ZNF521: variants seen among roughly 807,000 people sequenced by gnomAD.
ZNF521 encodes LYST-interacting protein 3.
In ZNF521, 14 loss-of-function variants were observed where a neutral mutation model predicts 105.5. The observed-to-expected ratio is 0.13, with a 90% CI of 0.09 to 0.21. The LOEUF (loss-of-function observed/expected upper bound fraction) is 0.21, where lower values mean the gene tolerates loss of function less well. ZNF521 is among the 10% of genes least tolerant of loss of function. ZNF521 has a pLI of 1.00. For synonymous variants in ZNF521, 635 were observed against 606.0 expected, an observed-to-expected ratio of 1.05 and a Z score of -0.70; for missense variants, 1,233 against 1,629.7, an observed-to-expected ratio of 0.76 and a Z score of 4.19.
intron 5 of ZNF521, among the ~76,000 whole-genome samples, chr18:25,116,919 C>CGTATATA (rs1567968553): frequency 2.9e-5 from 4 of 136,806 alleles, no homozygotes; most frequent in Admixed American, 7.4e-5. Context: ...ATACGTATAT[C>CGTATATA]TATGTATATA....
At chr18:25,112,981 T>C (rs2144307828) in intron 5 of ZNF521, among the ~76,000 whole-genome samples, 1 of 151,642 alleles carries the variant, frequency 6.6e-6, no homozygotes, top group East Asian at 1.9e-4. Context: ...CAGATTTTTT[T>C]TGTACCCGCC....
intron 5 of ZNF521, among the ~76,000 whole-genome samples, chr18:25,169,322 C>T (rs2035406372): frequency 6.6e-6 from 1 of 152,116 alleles, no homozygotes; most frequent in African/African-American, 2.4e-5. Context: ...GTGCCCAGTA[C>T]TGGTATTTTC....
chr18:25,213,890 A>G (rs1011209815), intron 4 of ZNF521, among the ~76,000 whole-genome samples: 3 of 152,008 alleles, frequency 2.0e-5, no homozygotes, highest in Non-Finnish European at 4.4e-5. Context: ...TGTAACTTAA[A>G]TTCTCTACCA....
At chr18:25,077,807 A>C (rs1362907358) in intron 7 of ZNF521, among the ~76,000 whole-genome samples, 1 of 152,208 alleles carries the variant, frequency 6.6e-6, no homozygotes, top group Non-Finnish European at 1.5e-5. Context: ...TATTTAAGAA[A>C]AAAAAGAGGA....
intron 7 of ZNF521, among the ~76,000 whole-genome samples, chr18:25,081,997 T>G (rs2033506570): frequency 6.6e-6 from 1 of 152,214 alleles, no homozygotes; most frequent in Non-Finnish European, 1.5e-5. Context: ...TGATCAAAAC[T>G]AATGGTGAAA....
At chr18:25,181,864 G>A (rs541041981) in intron 5 of ZNF521, among the ~76,000 whole-genome samples, 1 of 152,268 alleles carries the variant, frequency 6.6e-6, no homozygotes, top group East Asian at 1.9e-4. Context: ...TGGAGCCCCA[G>A]TGGGGGCATT....
rs113668204 is a variant in ZNF521 at position 25,121,813 on chromosome 18, A to G, written c.3659-29732T>C. The stretch of plus-strand genomic sequence containing the variant: ...AAATAAGGCCTCAAAGGATCAAACT[A>G]TTACAAACTTAACTTAACTGCTTCC... On this transcript the variant is annotated intron_variant, in intron 5 of 7. Coordinates refer to ENST00000361524, the MANE Select transcript of ZNF521 (RefSeq NM_015461.3). Among the ~76,000 whole-genome samples, 7 of 152,278 alleles carry G rather than the reference A, an allele frequency of 4.6e-5. 1 individual carries two copies. Among genetic ancestry groups the G allele is most frequent in the African/African-American group, 1.7e-4 (7 of 41,558 alleles).
At chr18:25,121,771 C>T (rs2034448691) in intron 5 of ZNF521, among the ~76,000 whole-genome samples, 1 of 152,102 alleles carries the variant, frequency 6.6e-6, no homozygotes, top group Admixed American at 6.6e-5. Context: ...TGCTCTGCAA[C>T]TCCTCCCCCC....
At chr18:25,266,697 C>T (rs772266902) in intron 3 of ZNF521, among the ~76,000 whole-genome samples, 8 of 152,058 alleles carry the variant, frequency 5.3e-5, no homozygotes, top group Non-Finnish European at 2.9e-5. Context: ...GACTGTACCA[C>T]GAGGAATGGT....
chr18:25,340,297 G>C (rs1914126653), intron 2 of ZNF521, among the ~76,000 whole-genome samples: 1 of 152,162 alleles, frequency 6.6e-6, no homozygotes, highest in South Asian at 2.1e-4. Flanking sequence ...GGAGGTTGCA[G>C]GGAGCCAAGA....
chr18:25,262,381 T>C (rs1908970124), intron 3 of ZNF521, among the ~76,000 whole-genome samples: 3 of 152,228 alleles, frequency 2.0e-5, no homozygotes, highest in Admixed American at 2.0e-4. Context: ...AGTGCTTGAA[T>C]GATTTTTTTC....
At chr18:25,233,078 A>G (rs140803447) in intron 3 of ZNF521, among the ~76,000 whole-genome samples, 64 of 152,334 alleles carry the variant, frequency 4.2e-4, no homozygotes, top group African/African-American at 1.4e-3. Flanking sequence ...TTTGAAATGC[A>G]TGTTTAATAG....
chr18:25,192,702 AC>A (rs774254845), intron 5 of ZNF521, among the ~76,000 whole-genome samples: 10 of 131,536 alleles, frequency 7.6e-5, no homozygotes, highest in South Asian at 2.5e-4. Context: ...AAAAAAAAAA[AC>A]CACACACAGA....
intron 3 of ZNF521, among the ~76,000 whole-genome samples, chr18:25,305,580 G>C (rs1177565550): frequency 6.6e-6 from 1 of 152,070 alleles, no homozygotes; most frequent in Non-Finnish European, 1.5e-5. Context: ...TTTAAAGAAT[G>C]TTAGACATCA....
intron 3 of ZNF521, among the ~76,000 whole-genome samples, chr18:25,249,983 G>A (rs893869822): frequency 3.9e-5 from 6 of 151,926 alleles, no homozygotes; most frequent in African/African-American, 1.2e-4. Flanking sequence ...CTGTCGCCCT[G>A]GCTGGAGTGC....
chr18:25,300,472 T>A (rs1458190555), intron 3 of ZNF521, among the ~76,000 whole-genome samples: 5 of 152,190 alleles, frequency 3.3e-5, no homozygotes, highest in Admixed American at 3.3e-4. Flanking sequence ...TTTGATCTAA[T>A]AGTGTATAAA....
chr18:25,295,050 T>C (rs546606416), intron 3 of ZNF521, among the ~76,000 whole-genome samples: 63 of 152,184 alleles, frequency 4.1e-4, no homozygotes, highest in African/African-American at 1.4e-3. Flanking sequence ...TATACTAGTA[T>C]AGAAATAGAA....
chr18:25,066,410 A>G (rs886194008), intron 7 of ZNF521, among the ~76,000 whole-genome samples: 2 of 152,170 alleles, frequency 1.3e-5, no homozygotes, highest in African/African-American at 4.8e-5. Flanking sequence ...GGAAATACAA[A>G]TGGCCTCATT....
chr18:25,300,665 C>G (rs1343711408), intron 3 of ZNF521, among the ~76,000 whole-genome samples: 4 of 152,154 alleles, frequency 2.6e-5, no homozygotes, highest in Non-Finnish European at 5.9e-5. Flanking sequence ...TGCCATCACT[C>G]TTAATTGTGA....
Sources: gnomAD v4.1 joint callset for allele counts (sites outside exome capture counted in the v4.1 genomes callset) on GRCh38, gnomAD v4.1.1 for gene constraint, MANE v1.5 for transcripts, NCBI Gene and HGNC (gene_info 2026-07-23, HGNC 2026-07-21) for gene names.